The following CNTNAP2 variants were observed in gnomAD, a reference collection of about 807,000 sequenced individuals.
CNTNAP2 encodes the protein contactin-associated protein-like 2.
A neutral mutation model predicts 155.2 loss-of-function variants in CNTNAP2; 98 were observed. The ratio of observed to expected loss-of-function variants is 0.63; its 90% CI spans 0.54 to 0.75. CNTNAP2 has a LOEUF of 0.75. Ranked by LOEUF, CNTNAP2 falls within the 30% of genes least tolerant of loss-of-function variation. The probability of loss-of-function intolerance (pLI) is 0.00; values close to 1 mark genes in which losing one functional copy is unlikely to be tolerated. For missense variants in CNTNAP2, 1,727 were observed against 1,688.1 expected (o/e 1.02, Z -0.40); for synonymous variants, 651 against 631.2 (o/e 1.03, Z -0.47).
chr7:148,102,683 A>T (rs1413172864), intron 15 of CNTNAP2, among the ~76,000 whole-genome samples: 1 of 152,188 alleles, frequency 6.6e-6, no homozygotes, highest in African/African-American at 2.4e-5. Context: ...AAGTGCCGCC[A>T]TTTTGGATTG....
At chr7:148,370,091 C>T (rs1798859101) in intron 21 of CNTNAP2, among the ~76,000 whole-genome samples, 1 of 152,160 alleles carries the variant, frequency 6.6e-6, no homozygotes, top group Admixed American at 6.6e-5. Flanking sequence ...TCTTTGGGAA[C>T]AGTGAACTCT....
intron 13 of CNTNAP2, among the ~76,000 whole-genome samples, chr7:147,657,583 C>T (rs897277921): frequency 1.3e-5 from 2 of 151,604 alleles, no homozygotes; most frequent in Non-Finnish European, 2.9e-5. Flanking sequence ...AAAGCAATTC[C>T]AGTAAGATAT....
intron 3 of CNTNAP2, among the ~76,000 whole-genome samples, chr7:146,995,294 A>T (rs139704744): frequency 6.6e-6 from 1 of 152,264 alleles, no homozygotes; most frequent in Non-Finnish European, 1.5e-5. Context: ...CGCTGTAATA[A>T]AAATGAGAGC....
At chr7:147,849,166 G>A (rs1181408629) in intron 13 of CNTNAP2, among the ~76,000 whole-genome samples, 1 of 152,124 alleles carries the variant, frequency 6.6e-6, no homozygotes, top group African/African-American at 2.4e-5. Context: ...TTTTTGTAAA[G>A]TGACCATTAG....
chr7:147,998,132 G>A (rs1214185418), intron 15 of CNTNAP2, among the ~76,000 whole-genome samples: 2 of 90,454 alleles, frequency 2.2e-5, no homozygotes, highest in Admixed American at 1.7e-4. Flanking sequence ...TTTTTTTTGA[G>A]ACGGAGTCTC....
rs553735900 is a variant in CNTNAP2 at position 147,180,813 on chromosome 7, A to G, written c.1348+48304A>G. Among the ~76,000 whole-genome samples, 60 of 152,324 alleles carry G rather than the reference A, an allele frequency of 3.9e-4. 1 individual carries two copies. Among genetic ancestry groups the G allele is most frequent in the African/African-American group, 1.3e-3 (55 of 41,582 alleles). On this transcript the variant is annotated intron_variant, in intron 8 of 23. Coordinates refer to ENST00000361727, the MANE Select transcript of CNTNAP2 (RefSeq NM_014141.6). ...TCAAATTAGTGGAATAAAAATGGGAAAAAAGAAAATGAACTGTCATTATTT... is the reference window on the plus strand; with the variant it reads ...TCAAATTAGTGGAATAAAAATGGGAGAAAAGAAAATGAACTGTCATTATTT...
intron 8 of CNTNAP2, among the ~76,000 whole-genome samples, chr7:147,156,697 G>A (rs1212099052): frequency 1.3e-5 from 2 of 152,144 alleles, no homozygotes; most frequent in East Asian, 3.8e-4. Flanking sequence ...CAAGGATATG[G>A]TAGAGAAGAT....
chr7:147,384,895 G>T (rs1796600387), intron 9 of CNTNAP2, among the ~76,000 whole-genome samples: 1 of 152,134 alleles, frequency 6.6e-6, no homozygotes, highest in African/African-American at 2.4e-5. Context: ...CCTTGTATTA[G>T]TCTCTTTTCA....
At chr7:148,062,622 G>A (rs565212785) in intron 15 of CNTNAP2, among the ~76,000 whole-genome samples, 1 of 152,088 alleles carries the variant, frequency 6.6e-6, no homozygotes, top group South Asian at 2.1e-4. Flanking sequence ...GACTTTCTAG[G>A]GGAAGGTATC....
At chr7:147,234,561 G>A (rs528015348) in intron 8 of CNTNAP2, among the ~76,000 whole-genome samples, 410 of 151,952 alleles carry the variant, frequency 2.7e-3, no homozygotes, top group African/African-American at 9.3e-3. Context: ...GGATGGTCTC[G>A]ATCTCCTGAC....
intron 15 of CNTNAP2, among the ~76,000 whole-genome samples, chr7:148,091,127 G>A (rs1803831644): frequency 6.6e-6 from 1 of 152,038 alleles, no homozygotes; most frequent in South Asian, 2.1e-4. Context: ...TAGACAAAAG[G>A]AGTAATTTCA....
At chr7:146,581,326 T>A (rs1233149443) in intron 1 of CNTNAP2, among the ~76,000 whole-genome samples, 2 of 152,126 alleles carry the variant, frequency 1.3e-5, no homozygotes, top group Non-Finnish European at 1.5e-5. Context: ...GAATCAGCCA[T>A]CTCCTAAGAT....
At chr7:147,851,564 C>G (rs1004667491) in intron 13 of CNTNAP2, among the ~76,000 whole-genome samples, 25 of 151,990 alleles carry the variant, frequency 1.6e-4, no homozygotes, top group Non-Finnish European at 2.9e-4. Context: ...AAATGTGGCA[C>G]ATATACACCA....
intron 3 of CNTNAP2, among the ~76,000 whole-genome samples, chr7:146,932,453 A>G (rs1585165633): frequency 3.3e-5 from 5 of 152,228 alleles, no homozygotes; most frequent in Admixed American, 2.6e-4. Flanking sequence ...AATAAGAGCT[A>G]TCTATGACAA....
intron 9 of CNTNAP2, among the ~76,000 whole-genome samples, chr7:147,342,796 T>G (rs984045954): frequency 6.6e-6 from 1 of 152,062 alleles, no homozygotes; most frequent in Non-Finnish European, 1.5e-5. Flanking sequence ...TATTAATAAG[T>G]GTTGACCCTC....
intron 3 of CNTNAP2, among the ~76,000 whole-genome samples, chr7:146,934,514 G>A (rs141295671): frequency 0.041 from 6,149 of 151,506 alleles, 145 homozygotes; most frequent in Middle Eastern, 0.089. Context: ...CGAGTTAATG[G>A]GTGCAGCACA....
chr7:147,458,848 T>G (rs2116583066), intron 10 of CNTNAP2, among the ~76,000 whole-genome samples: 1 of 152,334 alleles, frequency 6.6e-6, no homozygotes, highest in African/African-American at 2.4e-5. Context: ...ATTTTAAAAG[T>G]ATGGAGCTGG....
intron 1 of CNTNAP2, among the ~76,000 whole-genome samples, chr7:146,273,609 G>C (rs1475202704): frequency 1.3e-5 from 2 of 152,164 alleles, no homozygotes; most frequent in Non-Finnish European, 2.9e-5. Context: ...TGAAGAACTT[G>C]ACACTGGTAA....
intron 1 of CNTNAP2, among the ~76,000 whole-genome samples, chr7:146,213,221 G>A (rs1267108025): frequency 1.3e-5 from 2 of 152,058 alleles, no homozygotes; most frequent in Non-Finnish European, 2.9e-5. Flanking sequence ...GTCCAATTCT[G>A]TTGGCAAACC....
Sources: allele counts gnomAD v4.1 joint callset (sites outside exome capture counted in the v4.1 genomes callset), GRCh38; gene constraint gnomAD v4.1.1; transcripts MANE v1.5; gene names NCBI Gene and HGNC (gene_info 2026-07-23, HGNC 2026-07-21).